PCNX2: variants seen among roughly 807,000 people sequenced by gnomAD.
PCNX2 encodes the protein pecanex-like protein 2.
Under a neutral mutation model 223.8 loss-of-function variants are expected in PCNX2, and 168 were observed. That is an observed-to-expected ratio of 0.75 (90% CI 0.66 to 0.85). The LOEUF is 0.85. Ranked by LOEUF, PCNX2 falls within the 40% of genes least tolerant of loss-of-function variation. The probability of loss-of-function intolerance (pLI) is 0.00; values close to 1 mark genes in which losing one functional copy is unlikely to be tolerated. For synonymous variants in PCNX2, 1,006 were observed against 1,052.6 expected (o/e 0.96, Z 0.86); for missense variants, 2,507 against 2,675.5 (o/e 0.94, Z 1.39).
chr1:233,236,917 G>T lies in PCNX2; in HGVS notation c.2286C>A (p.Asp762Glu). 4 of 1,614,034 alleles carry T rather than the reference G, an allele frequency of 2.5e-6. No individual in the cohort carries two copies. Among genetic ancestry groups the T allele is most frequent in the Non-Finnish European group, 3.4e-6 (4 of 1,179,874 alleles). Reference protein sequence around the residue: ...TSESQDPSSGDPAVSALQQQL... With the variant: ...TSESQDPSSGEPAVSALQQQL... ...GTTGCTGAAGGGCACTGACGGCAGG[G>T]TCCCCAGAAGACGGATCTTGACTCT... is the stretch of plus-strand genomic sequence containing the variant. Residue 762 changes from aspartate (D) to glutamate (E), a missense_variant, in exon 9 of 34, where the codon GAC (aspartate) becomes GAA (glutamate). Asp to Glu is a conservative substitution (Grantham distance 45, BLOSUM62 2). Around this residue, in one of 3 missense-constraint regions of PCNX2, gnomAD observed 1,031 missense variants for 1,021.7 expected, o/e 1.01. Transcript: ENST00000258229.
chr1:233,236,996 A>T lies in PCNX2; in HGVS notation c.2223-16T>A. ...CTGCATCTCTCTGAGGATGGGCAAA[A>T]CAAAAGCTTTGGTTACCTGGTAATA... On this transcript the variant is annotated splice_polypyrimidine_tract_variant and intron_variant, in intron 8 of 33. Transcript: ENST00000258229. The T allele has an allele frequency of 6.2e-7, 1 of 1,613,490 alleles. No individual in the cohort carries two copies. Among genetic ancestry groups the T allele is most frequent in the East Asian group, 2.2e-5 (1 of 44,868 alleles).
intron 17 of PCNX2, among the ~76,000 whole-genome samples, chr1:233,167,157 T>C (rs1678848561): frequency 6.6e-6 from 1 of 152,144 alleles, no homozygotes; most frequent in Non-Finnish European, 1.5e-5. Flanking sequence ...TGTCAACAGA[T>C]AAATAATGGA....
At chr1:232,985,688 TG>T (rs1415626274) in intron 33 of PCNX2, 1 of 458,862 alleles carries the variant, frequency 2.2e-6, no homozygotes, top group African/African-American at 2.0e-5. Context: ...TGAGAAGCAG[TG>T]AAGCTCTAAC....
chr1:233,211,391 C>T (rs1681809128), intron 12 of PCNX2, among the ~76,000 whole-genome samples: 1 of 151,674 alleles, frequency 6.6e-6, no homozygotes, highest in Non-Finnish European at 1.5e-5. Flanking sequence ...AGTGCAGTGG[C>T]ATGATCATAG....
At chr1:233,196,586 A>G (rs1311701103) in intron 15 of PCNX2, among the ~76,000 whole-genome samples, 1 of 152,172 alleles carries the variant, frequency 6.6e-6, no homozygotes, top group Non-Finnish European at 1.5e-5. Flanking sequence ...AAGTTATACA[A>G]ATGTGAAACA....
chr1:233,252,686 G>C lies in PCNX2; in HGVS notation c.1937C>G (p.Thr646Ser), dbSNP rs1659528757. ...CTGAGTGCATGCGGGGCCGGTGCTA[G>C]TATGGTCTTGACTTTGCAAATCTGG... ...GKPDLQSQDH[T>S]STGPACTQPA... The change falls in exon 6 of 34, where the codon ACT (threonine) becomes AGT (serine). Residue 646 changes from threonine (T) to serine (S), a missense_variant. Around this residue, in one of 3 missense-constraint regions of PCNX2, gnomAD observed 1,031 missense variants for 1,021.7 expected, o/e 1.01. Transcript: ENST00000258229. 2 of 1,613,794 alleles carry C rather than the reference G, an allele frequency of 1.2e-6. No homozygotes were observed. The highest frequency in any genetic ancestry group is 1.7e-6 in the Non-Finnish European group (2 of 1,179,854).
intron 20 of PCNX2, among the ~76,000 whole-genome samples, chr1:233,136,813 A>G (rs1676830858): frequency 6.6e-6 from 1 of 152,204 alleles, no homozygotes; most frequent in African/African-American, 2.4e-5. Flanking sequence ...GAGAAACCCC[A>G]ATGATAAGGT....
At chr1:233,097,904 A>G (rs1038849986) in intron 21 of PCNX2, among the ~76,000 whole-genome samples, 3 of 152,218 alleles carry the variant, frequency 2.0e-5, no homozygotes, top group South Asian at 2.1e-4. Context: ...AAGAGAAGAC[A>G]TGACTTCTGG....
At position 233,263,037 on chromosome 1, in the gene PCNX2, T is replaced by G. The variant is rs1660139978; in HGVS notation, c.280A>C (p.Lys94Gln). 6.2e-7 allele frequency: 1 copy of G among 1,613,812 alleles called. No individual in the cohort carries two copies. The highest frequency in any genetic ancestry group is 1.3e-5 in the African/African-American group (1 of 75,048). Residue 94 changes from lysine (K) to glutamine (Q), a missense_variant, in exon 2 of 34, where the codon AAG (lysine) becomes CAG (glutamine). Physicochemically the swap from Lys to Gln is moderately conservative, Grantham distance 53. Transcript: ENST00000258229. ...GGCTTTTCTTCCTTTCTGGAGGGCT[T>G]TTGCTGAATTACTTCTCCTTTGTCA... ...MFDKGEVIQQKPSRKEEKPNK... is the reference protein window; with the variant it reads ...MFDKGEVIQQQPSRKEEKPNK...
At chr1:233,300,997 A>T in the PCNX2 span, among the ~76,000 whole-genome samples, 182 of 152,288 alleles carry the variant, frequency 1.2e-3, no homozygotes, top group South Asian at 6.2e-4. Flanking sequence ...AACCCCCTAG[A>T]GGGCTCTGAG....
intron 18 of PCNX2, 30 bp downstream of exon 18, chr1:233,161,241 A>T (rs746524376): frequency 1.3e-6 from 2 of 1,572,094 alleles, no homozygotes; most frequent in East Asian, 2.2e-5. Context: ...ATAAGGGGGC[A>T]GGAAGAGTAC....
intron 23 of PCNX2, among the ~76,000 whole-genome samples, chr1:233,076,969 T>C (rs552736963): frequency 1.4e-4 from 21 of 152,268 alleles, no homozygotes; most frequent in Non-Finnish European, 2.9e-4. Context: ...ATTTGAGGGG[T>C]GTAAAGGAGG....
intron 19 of PCNX2, among the ~76,000 whole-genome samples, chr1:233,147,901 G>GA (rs1445963125): frequency 2.6e-5 from 4 of 152,086 alleles, no homozygotes; most frequent in African/African-American, 9.7e-5. Context: ...CTTTTGAAGG[G>GA]AAAAAATCTT....
At chr1:233,268,201 C>T (rs1208482022) in intron 1 of PCNX2, among the ~76,000 whole-genome samples, 1 of 152,114 alleles carries the variant, frequency 6.6e-6, no homozygotes, top group African/African-American at 2.4e-5. Flanking sequence ...CTTGAGCCAC[C>T]GCGCCTGGTT....
chr1:233,056,828 A>G (rs1672207689), intron 24 of PCNX2, among the ~76,000 whole-genome samples: 1 of 152,210 alleles, frequency 6.6e-6, no homozygotes, highest in South Asian at 2.1e-4. Context: ...AATGTTGACC[A>G]AAGTTTCTGA....
chr1:233,322,335 G>C, the PCNX2 span, among the ~76,000 whole-genome samples: 1 of 152,158 alleles, frequency 6.6e-6, no homozygotes, highest in African/African-American at 2.4e-5. Flanking sequence ...ACATGCCTAT[G>C]AGTAGGGCAC....
chr1:233,262,828 G>T, intron 2 of PCNX2, 130 bp downstream of exon 2: 1 of 826,762 alleles, frequency 1.2e-6, no homozygotes, highest in East Asian at 2.6e-5. Flanking sequence ...AGTATATGCT[G>T]AAATATAAGA....
chr1:233,188,711 T>C (rs1680249145), intron 15 of PCNX2, among the ~76,000 whole-genome samples: 1 of 152,118 alleles, frequency 6.6e-6, no homozygotes, highest in Non-Finnish European at 1.5e-5. Context: ...TTAGTAGAGA[T>C]GGGGTTTCAC....
chr1:233,054,477 T>C lies in PCNX2; in HGVS notation c.4142A>G (p.Asp1381Gly). The C allele has an allele frequency of 6.2e-7, 1 of 1,611,524 alleles. No individual in the cohort carries two copies. The highest frequency in any genetic ancestry group is 1.1e-5 in the South Asian group (1 of 90,862). Residue 1381 changes from aspartate (D) to glycine (G), a missense_variant, in exon 25 of 34, where the codon GAT (aspartate) becomes GGT (glycine). Transcript: ENST00000258229. Reference sequence around the variant, plus strand: ...AAAAATGGAATTGAGATTGTTGTCATCATTCCCTAAAGGCAGACAAGAAAT... The same window carrying C: ...AAAAATGGAATTGAGATTGTTGTCACCATTCCCTAAAGGCAGACAAGAAAT... ...AVQIERDPGN[D>G]DNNLNSIFYE...
Sources: allele counts gnomAD v4.1 joint callset (sites outside exome capture counted in the v4.1 genomes callset), GRCh38; gene constraint gnomAD v4.1.1; regional missense constraint gnomAD v4.1.1; transcripts MANE v1.5; gene names NCBI Gene and HGNC (gene_info 2026-07-23, HGNC 2026-07-21).